OPCML: variants seen among roughly 807,000 people sequenced by gnomAD.
OPCML encodes the protein opioid binding protein/cell adhesion molecule like, also known as opioid-binding protein/cell adhesion molecule.
OPCML carries 13 observed loss-of-function variants against 37.8 expected under a neutral mutation model. That is an observed-to-expected ratio of 0.34 (90% CI 0.22 to 0.55). The LOEUF is 0.55. Among genes scored for constraint, OPCML ranks in the 20% least tolerant of loss-of-function variants. The pLI is 0.91. For missense variants in OPCML, 341 were observed against 435.6 expected (o/e 0.78, Z 1.93); for synonymous variants, 176 against 168.8 (o/e 1.04, Z -0.33).
chr11:132,766,023 G>T (rs961679812), intron 2 of OPCML, among the ~76,000 whole-genome samples: 1 of 151,188 alleles, frequency 6.6e-6, no homozygotes, highest in African/African-American at 2.4e-5. Context: ...TAGGACAAAT[G>T]AAATCAAAAC....
intron 4 of OPCML, among the ~76,000 whole-genome samples, chr11:132,503,122 T>C (rs979932271): frequency 6.6e-6 from 1 of 152,174 alleles, no homozygotes; most frequent in Admixed American, 6.5e-5. Context: ...ACGCTTGGGA[T>C]ATAGGCACTA....
chr11:133,506,874 G>A (rs562778559), intron 1 of OPCML, among the ~76,000 whole-genome samples: 9 of 152,340 alleles, frequency 5.9e-5, no homozygotes, highest in South Asian at 2.1e-4. Flanking sequence ...GTGCAGGTTC[G>A]GGATGGCTGC....
At chr11:133,112,022 C>T (rs1449449876) in intron 1 of OPCML, among the ~76,000 whole-genome samples, 1 of 152,044 alleles carries the variant, frequency 6.6e-6, no homozygotes, top group Non-Finnish European at 1.5e-5. Flanking sequence ...GGAAATTGTC[C>T]TGTACATCCA....
intron 1 of OPCML, among the ~76,000 whole-genome samples, chr11:133,021,955 A>C (rs909466325): frequency 1.3e-5 from 2 of 152,228 alleles, no homozygotes; most frequent in Non-Finnish European, 1.5e-5. Flanking sequence ...ATCTGAATAC[A>C]CATGGATAGG....
chr11:132,651,444 G>A lies in OPCML; in HGVS notation c.379+5643C>T, dbSNP rs111354453. ...TTGTATTTTGATAACTTTTTTTCTC[G>A]TGAGAAAAGCTTAACCTCGATGAGT... On this transcript the variant is annotated intron_variant, in intron 3 of 7. Transcript: ENST00000524381. Among the ~76,000 whole-genome samples the A allele has an allele frequency of 7.4e-3, 1,126 of 152,194 alleles. 15 individuals carry two copies. Among genetic ancestry groups the A allele is most frequent in the African/African-American group, 0.025 (1,037 of 41,508 alleles).
chr11:133,425,199 A>T (rs1465359755), intron 1 of OPCML, among the ~76,000 whole-genome samples: 2 of 152,232 alleles, frequency 1.3e-5, no homozygotes, highest in Non-Finnish European at 2.9e-5. Flanking sequence ...GCCCAGTCCC[A>T]GTCAGACCTC....
At chr11:132,994,257 G>T (rs919127476) in intron 1 of OPCML, among the ~76,000 whole-genome samples, 1 of 152,168 alleles carries the variant, frequency 6.6e-6, no homozygotes, top group Admixed American at 6.5e-5. Flanking sequence ...AGCACGTCCG[G>T]GGCTTTTACG....
chr11:133,078,831 C>G (rs889165666), intron 1 of OPCML, among the ~76,000 whole-genome samples: 4 of 152,312 alleles, frequency 2.6e-5, no homozygotes, highest in Admixed American at 2.6e-4. Context: ...CCAGAAATCT[C>G]TCCACCGCCC....
chr11:133,176,932 C>A (rs906137134), intron 1 of OPCML, among the ~76,000 whole-genome samples: 1 of 152,184 alleles, frequency 6.6e-6, no homozygotes, highest in Non-Finnish European at 1.5e-5. Context: ...CTGTGTAGCA[C>A]CCTGACCCTG....
At chr11:132,532,548 T>A (rs1219223397) in intron 3 of OPCML, among the ~76,000 whole-genome samples, 1 of 152,090 alleles carries the variant, frequency 6.6e-6, no homozygotes, top group African/African-American at 2.4e-5. Flanking sequence ...GATAAATGGA[T>A]CAAAATTACA....
chr11:132,792,494 G>A (rs1252527907), intron 2 of OPCML, among the ~76,000 whole-genome samples: 1 of 152,280 alleles, frequency 6.6e-6, no homozygotes, highest in African/African-American at 2.4e-5. Context: ...CAAGGAGTCC[G>A]CTCTCCCCAC....
At chr11:132,921,870 G>A (rs1944817053) in intron 2 of OPCML, among the ~76,000 whole-genome samples, 1 of 152,016 alleles carries the variant, frequency 6.6e-6, no homozygotes, top group African/African-American at 2.4e-5. Context: ...TCCATTGAGT[G>A]AGACTATAAA....
At chr11:133,024,949 G>A (rs750024697) in intron 1 of OPCML, 85 of 985,200 alleles carry the variant, frequency 8.6e-5, no homozygotes, top group Non-Finnish European at 9.2e-5. Context: ...GAACCAATGC[G>A]CACTGCAGAG....
intron 4 of OPCML, among the ~76,000 whole-genome samples, chr11:132,512,920 T>C (rs1214979384): frequency 1.3e-5 from 2 of 151,944 alleles, no homozygotes; most frequent in African/African-American, 2.4e-5. Flanking sequence ...AGTGATTATA[T>C]AGATATATAA....
At chr11:133,318,651 T>G (rs1943258658) in intron 1 of OPCML, among the ~76,000 whole-genome samples, 1 of 152,334 alleles carries the variant, frequency 6.6e-6, no homozygotes, top group Non-Finnish European at 1.5e-5. Context: ...AGCTATGGTT[T>G]TTCTTTGACG....
chr11:133,012,238 A>G (rs1452871364), intron 1 of OPCML, among the ~76,000 whole-genome samples: 1 of 152,210 alleles, frequency 6.6e-6, no homozygotes, highest in Non-Finnish European at 1.5e-5. Flanking sequence ...ACAAAGAATC[A>G]TCTGGACAGA....
intron 2 of OPCML, among the ~76,000 whole-genome samples, chr11:132,792,810 G>A (rs1938015184): frequency 6.6e-6 from 1 of 152,188 alleles, no homozygotes; most frequent in African/African-American, 2.4e-5. Flanking sequence ...TGTCCATTGT[G>A]TTTGTCTCCA....
At chr11:133,382,629 A>AAAC (rs1944955327) in intron 1 of OPCML, among the ~76,000 whole-genome samples, 1 of 152,132 alleles carries the variant, frequency 6.6e-6, no homozygotes, top group Non-Finnish European at 1.5e-5. Context: ...CTGACTAATA[A>AAAC]AACACACACC....
chr11:132,574,301 G>T (rs1357512647), intron 3 of OPCML, among the ~76,000 whole-genome samples: 1 of 141,684 alleles, frequency 7.1e-6, no homozygotes, highest in Non-Finnish European at 1.5e-5. Context: ...CTAAACCTGG[G>T]CTTGATTTGT....
Sources: allele counts gnomAD v4.1 joint callset (sites outside exome capture counted in the v4.1 genomes callset), GRCh38; gene constraint gnomAD v4.1.1; transcripts MANE v1.5; gene names NCBI Gene and HGNC (gene_info 2026-07-23, HGNC 2026-07-21).